KLF7: variants seen among roughly 807,000 people sequenced by gnomAD.
KLF7 encodes KLF transcription factor 7, also known as Krueppel-like factor 7.
In KLF7, 2 loss-of-function variants were observed where a neutral mutation model predicts 27.3. That is an observed-to-expected ratio of 0.07 (90% CI 0.03 to 0.23). The LOEUF is 0.23. KLF7 is among the 10% of genes least tolerant of loss of function. The probability of loss-of-function intolerance (pLI) is 1.00; values close to 1 mark genes in which losing one functional copy is unlikely to be tolerated. For synonymous variants in KLF7, 165 were observed against 162.4 expected (o/e 1.02, Z -0.12); for missense variants, 221 against 394.1 (o/e 0.56, Z 3.72).
chr2:207,091,207 G>A (rs188594150), intron 2 of KLF7, among the ~76,000 whole-genome samples: 1 of 152,186 alleles, frequency 6.6e-6, no homozygotes, highest in African/African-American at 2.4e-5. Flanking sequence ...CAAACTGTTT[G>A]CTTTTCCCCT....
At chr2:207,118,349 T>C (rs1308543950) in intron 2 of KLF7, among the ~76,000 whole-genome samples, 2 of 152,178 alleles carry the variant, frequency 1.3e-5, no homozygotes, top group Non-Finnish European at 2.9e-5. Flanking sequence ...GGAAGACCAT[T>C]TCTTTGTAAT....
In KLF7 at chr2:207,088,560, G is replaced by A. The variant is rs941470359; in HGVS notation, c.755C>T (p.Ser252Leu). ...THTGEKPYKC[S>L]WEGCEWRFAR... is the part of the protein sequence containing the mutation. Reference sequence around the variant, plus strand: ...AAAACGCCACTCACATCCCTCCCATGAGCACTTATAAGGCTTCTCACCTGC... The same window carrying A: ...AAAACGCCACTCACATCCCTCCCATAAGCACTTATAAGGCTTCTCACCTGC... The change falls in exon 3 of 4, where the codon TCA (serine) becomes TTA (leucine). Residue 252 changes from serine to leucine, a missense_variant. By Grantham distance (145) the Ser-to-Leu change is moderately radical. This residue lies in a region of KLF7 where 30 missense variants were observed against 115.4 expected (regional missense o/e 0.26). Coordinates refer to ENST00000309446, the MANE Select transcript of KLF7 (RefSeq NM_003709.4). 1 of 1,613,920 alleles carries A rather than the reference G, an allele frequency of 6.2e-7. No homozygotes were observed.
upstream of KLF7, chr2:207,166,969 C>T (rs756859810): frequency 6.0e-6 from 5 of 835,874 alleles, no homozygotes; most frequent in African/African-American, 3.6e-5. Context: ...CCTCCCGCGC[C>T]TCCTTCTGAC....
In KLF7 at chr2:207,147,825, C is replaced by T. The variant is rs2284931; in HGVS notation, c.102+17642G>A. ...GGATACTAACACCAGCCCCTCGCCT[C>T]GGTGGCTTCGATGGGTTCTGCTGGC... On this transcript the variant is annotated intron_variant, in intron 1 of 3. Transcript: ENST00000309446. Among the ~76,000 whole-genome samples the T allele has an allele frequency of 4.7e-3, 711 of 152,314 alleles. 24 individuals are homozygous for T. In the East Asian group the frequency reaches 0.081, roughly 17 times the overall value.
At chr2:207,096,217 A>G (rs913099503) in intron 2 of KLF7, among the ~76,000 whole-genome samples, 3 of 152,034 alleles carry the variant, frequency 2.0e-5, no homozygotes, top group African/African-American at 7.2e-5. Context: ...AAGTCCAAGT[A>G]CTCCACCTTT....
chr2:207,108,867 A>G (rs1166837055), intron 2 of KLF7, among the ~76,000 whole-genome samples: 1 of 152,244 alleles, frequency 6.6e-6, no homozygotes, highest in Non-Finnish European at 1.5e-5. Context: ...ACAAACAAAA[A>G]TAAAGGCACA....
chr2:207,085,026 G>A (rs1416676913), intron 3 of KLF7, among the ~76,000 whole-genome samples: 1 of 151,918 alleles, frequency 6.6e-6, no homozygotes, highest in Non-Finnish European at 1.5e-5. Context: ...GCCAGGCATG[G>A]TGGCAGGTAC....
intron 1 of KLF7, among the ~76,000 whole-genome samples, chr2:207,153,023 G>C (rs2078286205): frequency 6.6e-6 from 1 of 152,158 alleles, no homozygotes; most frequent in Non-Finnish European, 1.5e-5. Flanking sequence ...CTTACTGTTT[G>C]TATGTCTGAT....
chr2:207,158,605 T>G lies in KLF7; in HGVS notation c.102+6862A>C, dbSNP rs115908924. Among the ~76,000 whole-genome samples, 641 of 152,350 alleles carry G rather than the reference T, an allele frequency of 4.2e-3. 4 individuals are homozygous for G. Among genetic ancestry groups the G allele is most frequent in the African/African-American group, 0.015 (609 of 41,586 alleles). ...CATACTCCCACTCCATTTGTTATTA[T>G]TTAAATGACAATAATTTTTATAAGA... On this transcript the variant is annotated intron_variant, in intron 1 of 3. Transcript: ENST00000309446.
At chr2:207,136,861 A>G (rs1049216152) in intron 1 of KLF7, among the ~76,000 whole-genome samples, 3 of 152,148 alleles carry the variant, frequency 2.0e-5, no homozygotes, top group Admixed American at 1.3e-4. Flanking sequence ...TTAGGTCAAA[A>G]GGCTCCCTCA....
intron 1 of KLF7, among the ~76,000 whole-genome samples, chr2:207,154,886 C>T (rs897028322): frequency 3.3e-5 from 5 of 152,260 alleles, no homozygotes; most frequent in African/African-American, 9.6e-5. Flanking sequence ...AAAAGTGCCT[C>T]GCACAGTCCA....
intron 2 of KLF7, among the ~76,000 whole-genome samples, chr2:207,106,827 G>C (rs1357332504): frequency 6.6e-6 from 1 of 152,182 alleles, no homozygotes; most frequent in Admixed American, 6.5e-5. Flanking sequence ...GGGATGGAGT[G>C]GGGTGGAAGA....
At chr2:207,113,619 G>GA (rs1559131892) in intron 2 of KLF7, among the ~76,000 whole-genome samples, 16 of 125,832 alleles carry the variant, frequency 1.3e-4, no homozygotes, top group African/African-American at 4.5e-4. Context: ...GGGGGGGGGG[G>GA]GAAATGATGC....
At chr2:207,166,326 G>T, upstream of KLF7, 1 of 326,020 alleles carries the variant, frequency 3.1e-6, no homozygotes, top group Non-Finnish European at 4.4e-6. Flanking sequence ...TTACAAGGCG[G>T]TGCGAGGCGA....
intron 2 of KLF7, among the ~76,000 whole-genome samples, chr2:207,098,667 C>A (rs1015186414): frequency 4.6e-5 from 7 of 151,946 alleles, no homozygotes; most frequent in African/African-American, 1.7e-4. Context: ...CACTCTGTTG[C>A]CCAGACTGGA....
chr2:207,169,933 T>C (rs2106168945), upstream of KLF7, among the ~76,000 whole-genome samples: 1 of 152,056 alleles, frequency 6.6e-6, no homozygotes, highest in Middle Eastern at 3.4e-3. Context: ...ACAACAATAA[T>C]GAAATTAGGC....
At chr2:207,144,091 G>A (rs920017755) in intron 1 of KLF7, among the ~76,000 whole-genome samples, 4 of 150,878 alleles carry the variant, frequency 2.7e-5, no homozygotes, top group Non-Finnish European at 4.4e-5. Context: ...TTGTGTAAGC[G>A]CAACAGATGA....
intron 2 of KLF7, among the ~76,000 whole-genome samples, chr2:207,107,735 C>T (rs908376698): frequency 1.3e-5 from 2 of 152,160 alleles, no homozygotes; most frequent in African/African-American, 4.8e-5. Flanking sequence ...CTTTGTGCTG[C>T]GGTGGGCAAG....
chr2:207,156,667 G>A (rs534653388), intron 1 of KLF7, among the ~76,000 whole-genome samples: 2 of 152,352 alleles, frequency 1.3e-5, no homozygotes, highest in African/African-American at 4.8e-5. Context: ...CACAGGAAAT[G>A]TGAGCCAAAC....
Sources: gnomAD v4.1 joint callset for allele counts (sites outside exome capture counted in the v4.1 genomes callset) on GRCh38, gnomAD v4.1.1 for gene constraint, gnomAD v4.1.1 regional missense constraint, MANE v1.5 for transcripts, NCBI Gene and HGNC (gene_info 2026-07-23, HGNC 2026-07-21) for gene names.